Variants in PIAS1 observed in about 807,000 individuals in gnomAD.
PIAS1 encodes E3 SUMO-protein ligase PIAS1.
Under a neutral mutation model 71.3 loss-of-function variants are expected in PIAS1, and 6 were observed. The ratio of observed to expected loss-of-function variants is 0.08; its 90% confidence interval spans 0.05 to 0.17. The LOEUF (loss-of-function observed/expected upper bound fraction) is 0.17, where lower values mean the gene tolerates loss of function less well. Ranked by LOEUF, PIAS1 falls within the 10% of genes least tolerant of loss-of-function variation. PIAS1 has a pLI of 1.00. For synonymous variants in PIAS1, 303 were observed against 292.9 expected, an observed-to-expected ratio of 1.03 and a Z score of -0.35; for missense variants, 555 against 793.6, an observed-to-expected ratio of 0.70 and a Z score of 3.61.
At chr15:68,176,197 A>G (rs542420073) in intron 10 of PIAS1, among the ~76,000 whole-genome samples, 13 of 152,318 alleles carry the variant, frequency 8.5e-5, no homozygotes, top group Non-Finnish European at 1.5e-4. Context: ...ACAAAAATTA[A>G]TATACCGTCT....
intron 2 of PIAS1, among the ~76,000 whole-genome samples, chr15:68,133,447 A>G (rs988005387): frequency 6.6e-6 from 1 of 152,100 alleles, no homozygotes; most frequent in African/African-American, 2.4e-5. Flanking sequence ...AAAAAAATGG[A>G]TAGAGAAAAA....
rs11349222 is a variant in PIAS1 at position 68,130,667 on chromosome 15, T to TAA, written c.470-11263_470-11262dup. Among the ~76,000 whole-genome samples the TAA allele has an allele frequency of 7.5e-3, 952 of 126,940 alleles. 6 individuals carry two copies. Among genetic ancestry groups the TAA allele is most frequent in the East Asian group, 0.034 (145 of 4,316 alleles). 83.3% of individuals were successfully genotyped at this position (126,940 alleles called of 152,430 possible). On this transcript the variant is annotated intron_variant, in intron 2 of 13. Transcript: ENST00000249636. Reference sequence around the variant, plus strand: ...AATACAAAGAAACAAAGGTAACACTTAAAAAAAAAAAAAAAAAGCTATCAT... The same window carrying TAA: ...AATACAAAGAAACAAAGGTAACACTTAAAAAAAAAAAAAAAAAAAGCTATCAT...
At chr15:68,142,477 A>G in intron 4 of PIAS1, 140 bp downstream of exon 4, 1 of 609,840 alleles carries the variant, frequency 1.6e-6, no homozygotes, top group Non-Finnish European at 2.8e-6. Flanking sequence ...GGAAGGGGAA[A>G]TGGAAAAAAA....
chr15:68,132,251 G>A (rs2141033073), intron 2 of PIAS1, among the ~76,000 whole-genome samples: 1 of 152,098 alleles, frequency 6.6e-6, no homozygotes, highest in South Asian at 2.1e-4. Context: ...GGCTGAGGCG[G>A]GCGGATCACG....
rs1334099579 is a variant in PIAS1 at position 68,167,360 on chromosome 15, A to G, written c.1008+2556A>G. 6.6e-6 allele frequency among the ~76,000 whole-genome samples: 1 copy of G among 152,188 alleles called. No individual in the cohort carries two copies. Among genetic ancestry groups the G allele is most frequent in the Non-Finnish European group, 1.5e-5 (1 of 68,032 alleles). ...AAAATTTAATAATACCTATATATCA[A>G]ATTTATGGGATAATAAAAGAGATTT... On this transcript the variant is annotated intron_variant, in intron 8 of 13. Transcript: ENST00000249636. The surrounding 1 kb of genome is among the most constrained non-coding windows in gnomAD (Gnocchi z 4.4).
chr15:68,071,612 C>T (rs2092097998), intron 1 of PIAS1, among the ~76,000 whole-genome samples: 1 of 152,036 alleles, frequency 6.6e-6, no homozygotes, highest in African/African-American at 2.4e-5. Context: ...ACAATGTATT[C>T]ATAAGAGGAA....
At position 68,132,046 on chromosome 15, in the gene PIAS1, A is replaced by AG. The variant is rs936003078; in HGVS notation, c.470-9900_470-9899insG. ...GGCAAAACCTCCTCTAAAAAAAAAA[A>AG]AAAAGAAAAGAAAAGAAAAAAAGAA... On this transcript the variant is annotated intron_variant, in intron 2 of 13. Transcript: ENST00000249636. Among the ~76,000 whole-genome samples, 27 of 151,032 alleles carry AG rather than the reference A, an allele frequency of 1.8e-4. No homozygotes were observed. The East Asian group carries it at 2.7e-3, about 15-fold the overall frequency.
In PIAS1 at chr15:68,167,667, T is replaced by C. The variant is rs2092965837; in HGVS notation, c.1008+2863T>C. Among the ~76,000 whole-genome samples the C allele has an allele frequency of 6.6e-6, 1 of 152,156 alleles. No homozygotes were observed. Among genetic ancestry groups the C allele is most frequent in the Non-Finnish European group, 1.5e-5 (1 of 68,022 alleles). ...AAACTCTGGAAATGTATTTATGAAA[T>C]ATTTATTATTGTGAAAAAAACTTGT... On this transcript the variant is annotated intron_variant, in intron 8 of 13. Coordinates refer to ENST00000249636, the MANE Select transcript of PIAS1 (RefSeq NM_016166.3). The surrounding 1 kb of genome is among the most constrained non-coding windows in gnomAD (Gnocchi z 4.4).
At chr15:68,082,370 G>T (rs564029204) in intron 1 of PIAS1, among the ~76,000 whole-genome samples, 1 of 152,222 alleles carries the variant, frequency 6.6e-6, no homozygotes, top group South Asian at 2.1e-4. Flanking sequence ...GGCTTGGAGA[G>T]CCTACAGTCC....
intron 1 of PIAS1, among the ~76,000 whole-genome samples, chr15:68,056,211 T>G (rs921892644): frequency 6.6e-6 from 1 of 152,248 alleles, no homozygotes; most frequent in Non-Finnish European, 1.5e-5. Context: ...TAATCAGTTG[T>G]TATACATGGA....
chr15:68,182,201 A>G (rs377017928), intron 12 of PIAS1, among the ~76,000 whole-genome samples: 6 of 152,256 alleles, frequency 3.9e-5, no homozygotes, highest in African/African-American at 9.6e-5. Context: ...AAATGTCAGT[A>G]TACTCATTTA....
At position 68,173,610 on chromosome 15, in the gene PIAS1, G is replaced by A. The variant is rs962905374; in HGVS notation, c.1009-122G>A. The A allele has an allele frequency of 7.8e-6, 4 of 515,448 alleles. No homozygotes were observed. The African/African-American group carries it at 7.8e-5, about 10-fold the overall frequency. The allele number at this position is 515,448 out of a possible 1,614,324, so 31.9% of individuals were successfully genotyped here. ...GTGTTTAATGTTCTTCTACATTGAT[G>A]AAAAGTCAACACTGTATGCTTTAAA... On this transcript the variant is annotated intron_variant, in intron 8 of 13. Transcript: ENST00000249636. This position sits in a 1 kb window ranked among gnomAD's most constrained non-coding sequence, Gnocchi z 4.3.
chr15:68,155,459 A>AAAC (rs1567067525), intron 7 of PIAS1, among the ~76,000 whole-genome samples: 1 of 151,142 alleles, frequency 6.6e-6, no homozygotes, highest in African/African-American at 2.4e-5. Flanking sequence ...TAAAAAAAAA[A>AAAC]AAAAAAAAAA....
At chr15:68,134,893 G>T (rs2092713281) in intron 2 of PIAS1, among the ~76,000 whole-genome samples, 1 of 47,512 alleles carries the variant, frequency 2.1e-5, no homozygotes, top group Non-Finnish European at 8.4e-5. Flanking sequence ...GGGCAGAGGG[G>T]CTCCCCACCT....
At chr15:68,128,391 A>G (rs1280184497) in intron 2 of PIAS1, among the ~76,000 whole-genome samples, 1 of 152,052 alleles carries the variant, frequency 6.6e-6, no homozygotes, top group African/African-American at 2.4e-5. Flanking sequence ...TAAATGATCC[A>G]CCTGCCTCGG....
intron 8 of PIAS1, among the ~76,000 whole-genome samples, chr15:68,168,754 A>G (rs1296601823): frequency 1.3e-5 from 2 of 152,226 alleles, no homozygotes; most frequent in Non-Finnish European, 2.9e-5. Context: ...GTGGCAGCTA[A>G]TAATGCATTT....
At chr15:68,076,276 C>T (rs985420956) in intron 1 of PIAS1, among the ~76,000 whole-genome samples, 6 of 151,914 alleles carry the variant, frequency 3.9e-5, no homozygotes, top group Admixed American at 1.3e-4. Context: ...TTTGGGAGGC[C>T]GAGGTGGGTG....
chr15:68,138,123 G>A (rs537005246), intron 2 of PIAS1, among the ~76,000 whole-genome samples: 5 of 152,102 alleles, frequency 3.3e-5, no homozygotes, highest in East Asian at 1.9e-4. Flanking sequence ...GCACTCTAGC[G>A]TGGGAACAGG....
At chr15:68,126,119 A>T (rs1406473761) in intron 2 of PIAS1, among the ~76,000 whole-genome samples, 1 of 152,118 alleles carries the variant, frequency 6.6e-6, no homozygotes, top group African/African-American at 2.4e-5. Context: ...TAGCCATTAT[A>T]TTGGGAATAC....
Sources: gnomAD v4.1 joint callset for allele counts (sites outside exome capture counted in the v4.1 genomes callset) on GRCh38, gnomAD v4.1.1 for gene constraint, Gnocchi (gnomAD v3.1) non-coding constraint, MANE v1.5 for transcripts, NCBI Gene and HGNC (gene_info 2026-07-23, HGNC 2026-07-21) for gene names.